The following SH3TC1 variants were observed in gnomAD, a reference collection of about 807,000 sequenced individuals.
SH3TC1 encodes SH3 domain and tetratricopeptide repeats 1.
A neutral mutation model predicts 117.3 loss-of-function variants in SH3TC1; 135 were observed. The ratio of observed to expected loss-of-function variants is 1.15; its 90% CI spans 1.00 to 1.33. The LOEUF is 1.33. SH3TC1 is among the 40% of genes most tolerant of loss of function. The probability of loss-of-function intolerance (pLI) is 0.00; values close to 1 mark genes in which losing one functional copy is unlikely to be tolerated. For missense variants in SH3TC1, 2,092 were observed against 1,794.3 expected (o/e 1.17, Z -3.00); for synonymous variants, 898 against 816.9 (o/e 1.10, Z -1.69).
chr4:8,196,407 G>T (rs924395515), upstream of SH3TC1, among the ~76,000 whole-genome samples: 17 of 152,260 alleles, frequency 1.1e-4, no homozygotes, highest in East Asian at 2.5e-3. The surrounding 1 kb of genome is among the most constrained non-coding windows in gnomAD (Gnocchi z 4.6). Context: ...CTGGAGGGGT[G>T]GGGTGGGGTG....
chr4:8,232,615 C>T (rs887870269), intron 13 of SH3TC1: 4 of 1,328,516 alleles, frequency 3.0e-6, no homozygotes, highest in Middle Eastern at 2.1e-4. Context: ...GGCAGGGTTT[C>T]AAGGTCTCAC....
intron 1 of SH3TC1, among the ~76,000 whole-genome samples, chr4:8,203,981 C>G (rs959040009): frequency 6.6e-6 from 1 of 152,220 alleles, no homozygotes; most frequent in Non-Finnish European, 1.5e-5. Context: ...AAGGCCCCAG[C>G]CTCGTGGGCC....
At position 8,222,967 on chromosome 4, in the gene SH3TC1, C is replaced by A; in HGVS notation, c.1240C>A (p.Leu414Met). 2 of 1,609,670 alleles carry A rather than the reference C, an allele frequency of 1.2e-6. No homozygotes were observed. Among genetic ancestry groups the A allele is most frequent in the African/African-American group, 2.7e-5 (2 of 74,960 alleles). Reference sequence around the variant, plus strand: ...CACCGATGTCTGCAGCGTGTACAGCCTGGGTGCGTGTGGGCGATGCCTGTG... The same window carrying A: ...CACCGATGTCTGCAGCGTGTACAGCATGGGTGCGTGTGGGCGATGCCTGTG... ...SGTDVCSVYS[L>M]DSVEEAETEQ... Residue 414 changes from leucine (L) to methionine (M), a missense_variant, in exon 10 of 18, where the codon CTG becomes ATG. Coordinates refer to ENST00000245105, the MANE Select transcript of SH3TC1 (RefSeq NM_018986.5).
intron 12 of SH3TC1, chr4:8,229,394 C>CAGGGGTGAGCGAGT (rs1458456634): frequency 2.2e-5 from 3 of 135,052 alleles, no homozygotes; most frequent in Non-Finnish European, 4.7e-5. Flanking sequence ...TGTGAAGGCC[C>CAGGGGTGAGCGAGT]AGGGGTGAGC....
chr4:8,216,893 G>T, intron 6 of SH3TC1, 64 bp from the exon 7 acceptor site: 2 of 1,543,178 alleles, frequency 1.3e-6, no homozygotes, highest in South Asian at 2.2e-5. Flanking sequence ...CAGGGGTGTG[G>T]GGGGCAGGGC....
In SH3TC1 at chr4:8,217,123, G is replaced by T. The variant is rs770066276; in HGVS notation, c.795G>T (p.Glu265Asp). The T allele has an allele frequency of 1.2e-5, 20 of 1,613,588 alleles. No homozygotes were observed. Among genetic ancestry groups the T allele is most frequent in the Non-Finnish European group, 1.7e-5 (20 of 1,179,892 alleles). ...CGAGCCCCAGCGTGTCCTCCGAGGA[G>T]GTGGCAGTGGCGGCCGCCCCGGAGC... ...SPPSPSVSSE[E>D]VAVAAAPEPL... Residue 265 changes from glutamate (E) to aspartate (D), a missense_variant, in exon 7 of 18, where the codon GAG (glutamate) becomes GAT (aspartate). Transcript: ENST00000245105.
At chr4:8,237,789 A>C in intron 17 of SH3TC1, 119 bp downstream of exon 17, 1 of 1,133,824 alleles carries the variant, frequency 8.8e-7, no homozygotes, top group South Asian at 1.8e-5. Flanking sequence ...GCCTCCCTGG[A>C]GCGCTGCGCC....
intron 2 of SH3TC1, among the ~76,000 whole-genome samples, chr4:8,208,865 C>G (rs527443854): frequency 6.6e-6 from 1 of 152,242 alleles, no homozygotes; most frequent in Non-Finnish European, 1.5e-5. Context: ...CTGAGTGAGA[C>G]GTCTAGGAGG....
chr4:8,185,463 C>T (rs1372312389), intron 1 of SH3TC1, among the ~76,000 whole-genome samples: 3 of 152,134 alleles, frequency 2.0e-5, no homozygotes, highest in Non-Finnish European at 4.4e-5. Context: ...CGAGAACTCC[C>T]CTGTGGCTCA....
Position 8,227,341 on chromosome 4 carries a change from G to A in SH3TC1, c.1647G>A (p.Ala549=), listed in dbSNP as rs374834860. 5.6e-6 allele frequency: 9 copies of A among 1,602,678 alleles called. No individual in the cohort carries two copies. Among genetic ancestry groups the A allele is most frequent in the South Asian group, 5.6e-5 (5 of 89,722 alleles). ...GGCGCCTGGCACAGGCCCGGGGGGC[G>A]GCCAAGAAAGCTGGCCTCCTCATGG... is the stretch of plus-strand genomic sequence containing the variant. The part of the protein sequence containing the change: ...LTGRLAQARG[A]AKKAGLLMAL... Residue 549 remains alanine, a synonymous_variant, in exon 12 of 18, where the codon GCG becomes GCA. Transcript: ENST00000245105.
At chr4:8,236,019 G>C in intron 15 of SH3TC1, 1 of 515,746 alleles carries the variant, frequency 1.9e-6, no homozygotes, top group South Asian at 2.8e-5. Flanking sequence ...AGGAGTGCAG[G>C]CTCCCCCCAG....
At chr4:8,219,640 A>T in intron 9 of SH3TC1, 110 bp downstream of exon 9, 1 of 1,200,666 alleles carries the variant, frequency 8.3e-7, no homozygotes, top group South Asian at 1.7e-5. Context: ...GTCACTGTGG[A>T]CGATGCCTAG....
rs532831853 is a variant in SH3TC1, at chr4:8,184,167, T to C, written c.-57+1957T>C. Among the ~76,000 whole-genome samples, 3 of 152,200 alleles carry C rather than the reference T, an allele frequency of 2.0e-5. No individual in the cohort carries two copies. In the South Asian group the frequency reaches 6.2e-4, roughly 32 times the overall value. ...CTAGATGCAATATCTGTATCTCTAT[T>C]AGGTTAAATGTGAGTTCATACTGAC... On this transcript the variant is annotated intron_variant, in intron 1 of 16. Transcript: ENST00000508641.
Position 8,237,439 on chromosome 4 carries a change from C to T in SH3TC1, c.3557-35C>T, listed in dbSNP as rs573644896. 1.7e-5 allele frequency: 24 copies of T among 1,410,156 alleles called. No individual in the cohort carries two copies. The African/African-American group carries it at 2.2e-4, about 13-fold the overall frequency. The allele number at this position is 1,410,156 out of a possible 1,614,324, so 87.4% of individuals were successfully genotyped here. A position where few individuals can be genotyped will look rare whatever the true frequency, so the allele number is the denominator to read the frequency against. On this transcript the variant is annotated intron_variant, in intron 16 of 17. Coordinates refer to ENST00000245105, the MANE Select transcript of SH3TC1 (RefSeq NM_018986.5). ...TCTGCATGCCTGCCCCGGGGAGCCA[C>T]GTCCTCACACCTGCCCCCTTGGCCT...
intron 12 of SH3TC1, among the ~76,000 whole-genome samples, chr4:8,229,907 C>A (rs1193622887): frequency 2.7e-5 from 4 of 150,918 alleles, no homozygotes; most frequent in Non-Finnish European, 5.9e-5. Context: ...GAGGATCATG[C>A]TTCCCTGTCT....
At chr4:8,188,835 C>T (rs1717317447) in intron 1 of SH3TC1, among the ~76,000 whole-genome samples, 1 of 152,258 alleles carries the variant, frequency 6.6e-6, no homozygotes, top group Admixed American at 6.5e-5. Flanking sequence ...CTGCCTGGAG[C>T]CTGCACTGGG....
intron 13 of SH3TC1, 87 bp downstream of exon 13, chr4:8,232,243 C>T (rs1340711980): frequency 1.4e-6 from 2 of 1,394,464 alleles, no homozygotes; most frequent in Non-Finnish European, 1.9e-6. Context: ...GGCCCAGGGC[C>T]CCAGCAGCCC....
intron 4 of SH3TC1, chr4:8,213,308 C>T (rs1718915942): frequency 1.9e-5 from 3 of 158,390 alleles, no homozygotes; most frequent in Non-Finnish European, 2.8e-5. Context: ...CTGGGCTGGG[C>T]GTTACCACCA....
chr4:8,222,819 A>G (rs759755533), intron 9 of SH3TC1, 21 bp from the exon 10 acceptor site: 2 of 1,606,886 alleles, frequency 1.2e-6, no homozygotes, highest in South Asian at 2.2e-5. Context: ...TGTTTTGAAT[A>G]AAGCACTTTA....
Sources: gnomAD v4.1 joint callset for allele counts (sites outside exome capture counted in the v4.1 genomes callset) on GRCh38, gnomAD v4.1.1 for gene constraint, Gnocchi (gnomAD v3.1) non-coding constraint, MANE v1.5 for transcripts, NCBI Gene and HGNC (gene_info 2026-07-23, HGNC 2026-07-21) for gene names.